The following ROBO1 variants were observed in gnomAD, a reference collection of about 807,000 sequenced individuals.
ROBO1 encodes roundabout guidance receptor 1.
Under a neutral mutation model 195.9 loss-of-function variants are expected in ROBO1, and 149 were observed. The observed-to-expected ratio is 0.76, with a 90% CI of 0.67 to 0.87. The LOEUF (loss-of-function observed/expected upper bound fraction) is 0.87. Among genes scored for constraint, ROBO1 ranks in the 40% least tolerant of loss-of-function variants. ROBO1 has a pLI of 0.00. For synonymous variants in ROBO1, 816 were observed against 733.2 expected (o/e 1.11, Z -1.82); for missense variants, 1,933 against 2,068.3 (o/e 0.93, Z 1.27).
At position 79,330,273 on chromosome 3, in the gene ROBO1, GTATA is replaced by G. The variant is rs34794861; in HGVS notation, c.89-204738_89-204735del. 4.2e-4 allele frequency among the ~76,000 whole-genome samples: 58 copies of G among 137,856 alleles called. No individual in the cohort carries two copies. In the East Asian group the frequency reaches 8.4e-3, roughly 20 times the overall value. 90.4% of individuals were successfully genotyped at this position (137,856 alleles called of 152,430 possible). A position where few individuals can be genotyped will look rare whatever the true frequency, so the allele number is the denominator to read the frequency against. Reference sequence around the variant, plus strand: ...CTTAAAGTATAATATGTATATATATGTATATATATATATATATATAAAGAATTTA... The same window carrying G: ...CTTAAAGTATAATATGTATATATATGTATATATATATATATAAAGAATTTA... On this transcript the variant is annotated intron_variant, in intron 2 of 30. Coordinates refer to ENST00000464233, the MANE Select transcript of ROBO1 (RefSeq NM_002941.4).
At chr3:79,356,167 T>A (rs2035547109) in intron 2 of ROBO1, among the ~76,000 whole-genome samples, 1 of 151,980 alleles carries the variant, frequency 6.6e-6, no homozygotes, top group Non-Finnish European at 1.5e-5. Context: ...ATGGCAAAAC[T>A]CTTTCTCTAA....
At position 79,525,539 on chromosome 3, in the gene ROBO1, G is replaced by GATATAT. The variant is rs367662211; in HGVS notation, c.88+64279_88+64284dup. On this transcript the variant is annotated intron_variant, in intron 2 of 30. Transcript: ENST00000464233. ...TATTTTTTCATCAATTTATACTTCA[G>GATATAT]ATATATATATATATATAAATATATA... Among the ~76,000 whole-genome samples, 69 of 140,906 alleles carry GATATAT rather than the reference G, an allele frequency of 4.9e-4. 1 individual carries two copies. The highest frequency in any genetic ancestry group is 4.3e-3 in the East Asian group (21 of 4,840). The allele number at this position is 140,906 out of a possible 152,430, so 92.4% of individuals were successfully genotyped here. A position where few individuals can be genotyped will look rare whatever the true frequency, so the allele number is the denominator to read the frequency against.
At chr3:79,557,610 G>C (rs12714480) in intron 2 of ROBO1, among the ~76,000 whole-genome samples, 1 of 150,666 alleles carries the variant, frequency 6.6e-6, no homozygotes, top group Non-Finnish European at 1.5e-5. Context: ...AGTAAACGCC[G>C]GTAATCCTAG....
intron 3 of ROBO1, among the ~76,000 whole-genome samples, chr3:79,089,067 G>C (rs1454924297): frequency 6.6e-6 from 1 of 151,926 alleles, no homozygotes; most frequent in African/African-American, 2.4e-5. Context: ...AACATACTTA[G>C]TTTCTTTCAT....
At chr3:79,382,449 T>TA in intron 2 of ROBO1, among the ~76,000 whole-genome samples, 1 of 151,704 alleles carries the variant, frequency 6.6e-6, no homozygotes, top group East Asian at 1.9e-4. Context: ...GACAAGATAT[T>TA]CAAGAGTCTT....
chr3:78,917,833 AG>A (rs1438029486), intron 4 of ROBO1, among the ~76,000 whole-genome samples: 1 of 152,240 alleles, frequency 6.6e-6, no homozygotes, highest in East Asian at 1.9e-4. Context: ...AAAGAAAGCA[AG>A]GAAGAAGGAA....
intron 1 of ROBO1, among the ~76,000 whole-genome samples, chr3:79,765,395 G>T (rs754247517): frequency 6.6e-6 from 1 of 152,072 alleles, no homozygotes; most frequent in African/African-American, 2.4e-5. Flanking sequence ...TTTTTGGGGG[G>T]TGGGGGCCGA....
chr3:78,929,508 A>G (rs530402721), intron 4 of ROBO1, among the ~76,000 whole-genome samples: 1 of 151,134 alleles, frequency 6.6e-6, no homozygotes, highest in Non-Finnish European at 1.5e-5. Context: ...TTATTTATTT[A>G]TTTATTTATT....
At chr3:78,688,615 AT>A in intron 9 of ROBO1, 32 bp downstream of exon 9, 4 of 1,535,510 alleles carry the variant, frequency 2.6e-6, no homozygotes, top group Admixed American at 2.2e-5. Flanking sequence ...ATCTTTGCTG[AT>A]TTAAAAAAAA....
chr3:79,163,980 G>C (rs1346011393), intron 2 of ROBO1, among the ~76,000 whole-genome samples: 3 of 152,062 alleles, frequency 2.0e-5, no homozygotes, highest in African/African-American at 7.2e-5. Flanking sequence ...TTGTAAAAAT[G>C]TACCAGTAAG....
chr3:79,502,812 C>T (rs570142315), intron 2 of ROBO1, among the ~76,000 whole-genome samples: 26 of 151,844 alleles, frequency 1.7e-4, no homozygotes, highest in African/African-American at 4.1e-4. Flanking sequence ...GCTCAGGGTT[C>T]GTAAATACAC....
chr3:78,627,252 A>T, intron 26 of ROBO1, 69 bp downstream of exon 26: 5 of 1,518,160 alleles, frequency 3.3e-6, no homozygotes, highest in East Asian at 2.3e-5. Flanking sequence ...GTGGGATAGC[A>T]TTTGGTAACT....
chr3:79,296,097 G>C (rs568736723), intron 2 of ROBO1, among the ~76,000 whole-genome samples: 1 of 151,960 alleles, frequency 6.6e-6, no homozygotes, highest in Non-Finnish European at 1.5e-5. Context: ...ATCTGCTTTC[G>C]GGCAATCCAG....
At chr3:79,521,961 A>G (rs1409262042) in intron 2 of ROBO1, among the ~76,000 whole-genome samples, 1 of 152,214 alleles carries the variant, frequency 6.6e-6, no homozygotes, top group African/African-American at 2.4e-5. Context: ...GGTAAAATAT[A>G]TGCTTAACTG....
intron 2 of ROBO1, among the ~76,000 whole-genome samples, chr3:79,306,803 G>A (rs973328413): frequency 6.6e-6 from 1 of 152,110 alleles, no homozygotes; most frequent in Non-Finnish European, 1.5e-5. Flanking sequence ...AAGCAGAGCC[G>A]TTCTTGTTTG....
At chr3:78,951,449 G>A (rs138004312) in intron 3 of ROBO1, among the ~76,000 whole-genome samples, 44 of 152,066 alleles carry the variant, frequency 2.9e-4, no homozygotes, top group Non-Finnish European at 5.9e-4. Flanking sequence ...CCAATTGGCA[G>A]AACCAACTTC....
chr3:78,732,788 C>T (rs755484973), intron 5 of ROBO1, among the ~76,000 whole-genome samples: 10 of 152,070 alleles, frequency 6.6e-5, no homozygotes, highest in Admixed American at 6.6e-4. Flanking sequence ...CAGTATTATA[C>T]AGATTAAGCT....
chr3:78,685,925 C>A lies in ROBO1; in HGVS notation c.1171-8G>T, dbSNP rs2107824091. On this transcript the variant is annotated splice_region_variant and splice_polypyrimidine_tract_variant and intron_variant, in intron 9 of 30. Coordinates refer to ENST00000464233, the MANE Select transcript of ROBO1 (RefSeq NM_002941.4). ...ATATGAGAAAAGTAGATTCTAGAAC[C>A]CAGAAATTGGGATGGAGGAAAATAA... is the stretch of plus-strand genomic sequence containing the variant. 2.6e-6 allele frequency: 4 copies of A among 1,549,480 alleles called. No individual in the cohort carries two copies. In the East Asian group the frequency reaches 7.0e-5, roughly 27 times the overall value.
At chr3:79,309,662 G>A (rs2033390367) in intron 2 of ROBO1, among the ~76,000 whole-genome samples, 1 of 151,816 alleles carries the variant, frequency 6.6e-6, no homozygotes, top group Non-Finnish European at 1.5e-5. Context: ...AATAAAGAGG[G>A]CCTAATTGTG....
Sources: gnomAD v4.1 joint callset for allele counts (sites outside exome capture counted in the v4.1 genomes callset) on GRCh38, gnomAD v4.1.1 for gene constraint, MANE v1.5 for transcripts, NCBI Gene and HGNC (gene_info 2026-07-23, HGNC 2026-07-21) for gene names.